SPATS2: variants seen among roughly 807,000 people sequenced by gnomAD.
The protein encoded by SPATS2 is spermatogenesis associated serine rich 2.
In SPATS2, 38 loss-of-function variants were observed where a neutral mutation model predicts 63.7. That is an observed-to-expected ratio of 0.60 (90% CI 0.46 to 0.78). The LOEUF is 0.78. Ranked by LOEUF, SPATS2 falls within the 30% of genes least tolerant of loss-of-function variation. The probability of loss-of-function intolerance (pLI) is 0.00; values close to 1 mark genes in which losing one functional copy is unlikely to be tolerated. For missense variants in SPATS2, 588 were observed against 666.2 expected, an observed-to-expected ratio of 0.88 and a Z score of 1.29; for synonymous variants, 207 against 232.9, an observed-to-expected ratio of 0.89 and a Z score of 1.01.
intron 2 of SPATS2, among the ~76,000 whole-genome samples, chr12:49,397,690 T>C (rs1388216088): frequency 6.6e-6 from 1 of 151,546 alleles, no homozygotes; most frequent in African/African-American, 2.4e-5. Context: ...GCTAGCTGGA[T>C]ATGGTAGTGC....
chr12:49,401,296 C>T (rs1031180546), intron 2 of SPATS2, among the ~76,000 whole-genome samples: 2 of 152,170 alleles, frequency 1.3e-5, no homozygotes, highest in African/African-American at 4.8e-5. Flanking sequence ...CAGGCATGAG[C>T]CACTGCATCT....
At chr12:49,495,837 TATAATA>T (rs1234495211) in intron 7 of SPATS2, among the ~76,000 whole-genome samples, 3 of 152,210 alleles carry the variant, frequency 2.0e-5, no homozygotes, top group Admixed American at 6.5e-5. Context: ...TAGTGAGAAA[TATAATA>T]ATGATAATTT....
intron 12 of SPATS2, 78 bp from the exon 13 acceptor site, chr12:49,524,604 T>G: frequency 6.9e-7 from 1 of 1,449,572 alleles, no homozygotes; most frequent in Non-Finnish European, 9.6e-7. Flanking sequence ...TTGCTCATTG[T>G]GAAATTGAGA....
intron 2 of SPATS2, among the ~76,000 whole-genome samples, chr12:49,397,074 C>T (rs763548935): frequency 1.3e-5 from 2 of 152,176 alleles, no homozygotes; most frequent in Non-Finnish European, 1.5e-5. Flanking sequence ...TTCCCACTCG[C>T]TACAGGGCCT....
chr12:49,417,439 T>C (rs1207162181), intron 2 of SPATS2, among the ~76,000 whole-genome samples: 2 of 152,240 alleles, frequency 1.3e-5, no homozygotes, highest in African/African-American at 4.8e-5. Flanking sequence ...TAAAGCAGGT[T>C]AGAAGAGTCT....
intron 1 of SPATS2, among the ~76,000 whole-genome samples, chr12:49,369,771 C>G (rs1014942676): frequency 2.6e-5 from 4 of 152,192 alleles, no homozygotes; most frequent in Non-Finnish European, 5.9e-5. Flanking sequence ...ACTTAGTTTT[C>G]TGTTTAGTCT....
At chr12:49,415,751 C>A (rs1944878533) in intron 2 of SPATS2, among the ~76,000 whole-genome samples, 1 of 152,094 alleles carries the variant, frequency 6.6e-6, no homozygotes, top group Non-Finnish European at 1.5e-5. Context: ...ATATTTTAGG[C>A]TTTTTGGGCC....
chr12:49,410,557 TG>T (rs1944780782), intron 2 of SPATS2, among the ~76,000 whole-genome samples: 1 of 152,192 alleles, frequency 6.6e-6, no homozygotes, highest in Admixed American at 6.5e-5. Context: ...TGTTGTATAA[TG>T]GAAACTAAAG....
chr12:49,418,457 G>A (rs147903795), intron 2 of SPATS2, among the ~76,000 whole-genome samples: 166 of 152,054 alleles, frequency 1.1e-3, no homozygotes, highest in African/African-American at 2.8e-3. Flanking sequence ...CTGCCACCAC[G>A]CCCAGCTAAT....
intron 2 of SPATS2, among the ~76,000 whole-genome samples, chr12:49,413,113 T>C (rs1944826792): frequency 1.3e-5 from 2 of 152,064 alleles, no homozygotes; most frequent in Admixed American, 1.3e-4. Context: ...CCAAACTTAG[T>C]GCATAAAACC....
At chr12:49,457,286 T>C (rs1945735820) in intron 2 of SPATS2, among the ~76,000 whole-genome samples, 1 of 152,198 alleles carries the variant, frequency 6.6e-6, no homozygotes, top group Non-Finnish European at 1.5e-5. Flanking sequence ...GTCATTTTTA[T>C]TTATCTTCTT....
At chr12:49,409,663 C>T (rs143993747) in intron 2 of SPATS2, among the ~76,000 whole-genome samples, 6 of 130,910 alleles carry the variant, frequency 4.6e-5, no homozygotes, top group Admixed American at 1.9e-4. Flanking sequence ...AGTGCTGTGG[C>T]GCAATGTCAG....
At chr12:49,411,355 A>G (rs1433395036) in intron 2 of SPATS2, among the ~76,000 whole-genome samples, 6 of 152,060 alleles carry the variant, frequency 3.9e-5, no homozygotes, top group African/African-American at 1.2e-4. Flanking sequence ...CCATAACTCA[A>G]ATACTAGCTT....
At chr12:49,452,067 A>C (rs138819488) in intron 2 of SPATS2, among the ~76,000 whole-genome samples, 64 of 152,256 alleles carry the variant, frequency 4.2e-4, no homozygotes, top group Non-Finnish European at 8.1e-4. Flanking sequence ...CAGTTTCACT[A>C]TGATATGTCT....
rs1339001143 is a variant in SPATS2, at chr12:49,516,066, G to A, written c.898+1453G>A. ...GAGGCAGGAGAATCACTTGAACCCA[G>A]GGGGCAGAGGTTGCAGTGAGCCGAG... On this transcript the variant is annotated intron_variant, in intron 10 of 13. Coordinates refer to ENST00000552918, the MANE Select transcript of SPATS2 (RefSeq NM_023071.4). Among the ~76,000 whole-genome samples, 13 of 144,982 alleles carry A rather than the reference G, an allele frequency of 9.0e-5. No homozygotes were observed. In the Admixed American group the frequency reaches 9.1e-4, roughly 10 times the overall value.
At chr12:49,377,796 G>T (rs1944135038) in intron 2 of SPATS2, among the ~76,000 whole-genome samples, 1 of 152,032 alleles carries the variant, frequency 6.6e-6, no homozygotes. Context: ...AGCTGTATGA[G>T]ATGTTAGTTA....
At chr12:49,444,118 A>T (rs1373419518) in intron 2 of SPATS2, among the ~76,000 whole-genome samples, 1 of 152,090 alleles carries the variant, frequency 6.6e-6, no homozygotes, top group Non-Finnish European at 1.5e-5. Context: ...ATTCATTTAG[A>T]TCTTTAATTT....
At chr12:49,471,994 C>T (rs993137585) in intron 3 of SPATS2, among the ~76,000 whole-genome samples, 8 of 151,360 alleles carry the variant, frequency 5.3e-5, no homozygotes, top group Non-Finnish European at 1.0e-4. Context: ...AAAAATTACC[C>T]AGGGCATGGT....
intron 3 of SPATS2, chr12:49,462,463 C>T (rs1013265504): frequency 1.4e-5 from 10 of 701,514 alleles, no homozygotes; most frequent in East Asian, 2.7e-5. Flanking sequence ...CATTTGTGGA[C>T]GGCTTAAGTG....
Sources: allele counts gnomAD v4.1 joint callset (sites outside exome capture counted in the v4.1 genomes callset), GRCh38; gene constraint gnomAD v4.1.1; transcripts MANE v1.5; gene names NCBI Gene and HGNC (gene_info 2026-07-23, HGNC 2026-07-21).